The following SOX5 variants were observed in gnomAD, a reference collection of about 807,000 sequenced individuals.
SOX5 encodes transcription factor SOX-5.
SOX5 carries 9 observed loss-of-function variants against 92.0 expected under a neutral mutation model. That is an observed-to-expected ratio of 0.10 (90% CI 0.06 to 0.17). SOX5 has a LOEUF of 0.17. Among genes scored for constraint, SOX5 ranks in the 10% least tolerant of loss-of-function variants. The pLI is 1.00. For missense variants in SOX5, 642 were observed against 944.5 expected, an observed-to-expected ratio of 0.68 and a Z score of 4.20; for synonymous variants, 344 against 336.3, an observed-to-expected ratio of 1.02 and a Z score of -0.25.
At chr12:23,999,178 A>ATG (rs1951355189) in intron 4 of SOX5, among the ~76,000 whole-genome samples, 1 of 148,810 alleles carries the variant, frequency 6.7e-6, no homozygotes, top group African/African-American at 2.5e-5. Flanking sequence ...GTGTGTGTGT[A>ATG]CCATTGCTTC....
At chr12:23,958,148 A>G (rs1279170023) in intron 4 of SOX5, among the ~76,000 whole-genome samples, 1 of 152,072 alleles carries the variant, frequency 6.6e-6, no homozygotes, top group Non-Finnish European at 1.5e-5. Flanking sequence ...AAGGTCATCA[A>G]TACTCTTCGT....
At chr12:23,748,937 T>C (rs772930768) in intron 4 of SOX5, among the ~76,000 whole-genome samples, 2 of 151,926 alleles carry the variant, frequency 1.3e-5, no homozygotes, top group Non-Finnish European at 2.9e-5. Context: ...TACCATTATA[T>C]CTCCAGAGCT....
chr12:24,005,650 G>T (rs1378328544), intron 4 of SOX5, among the ~76,000 whole-genome samples: 1 of 152,042 alleles, frequency 6.6e-6, no homozygotes, highest in East Asian at 1.9e-4. Flanking sequence ...TTTTCCTCAT[G>T]ATATTTCTTT....
chr12:23,624,289 G>T (rs1314137564), intron 8 of SOX5, among the ~76,000 whole-genome samples: 1 of 152,068 alleles, frequency 6.6e-6, no homozygotes, highest in Non-Finnish European at 1.5e-5. Context: ...CAGTGTAAAT[G>T]TATGTAATGC....
At chr12:23,895,125 T>C (rs935229538) in intron 2 of SOX5, among the ~76,000 whole-genome samples, 2 of 151,722 alleles carry the variant, frequency 1.3e-5, no homozygotes, top group Non-Finnish European at 2.9e-5. Context: ...AAAGTCCTGG[T>C]TTCCTAATCT....
chr12:24,135,824 T>C (rs935078201), intron 4 of SOX5, among the ~76,000 whole-genome samples: 1 of 151,988 alleles, frequency 6.6e-6, no homozygotes, highest in East Asian at 1.9e-4. Context: ...AAGATGTGGA[T>C]GTTGGGAAGG....
intron 1 of SOX5, among the ~76,000 whole-genome samples, chr12:23,941,428 T>A (rs1338592473): frequency 2.0e-5 from 3 of 151,532 alleles, no homozygotes; most frequent in Non-Finnish European, 4.4e-5. Flanking sequence ...AATGCTAACA[T>A]TTTTAGAAAT....
chr12:24,167,140 C>T (rs1231137618), intron 4 of SOX5, among the ~76,000 whole-genome samples: 1 of 152,158 alleles, frequency 6.6e-6, no homozygotes. Context: ...TGTAATACGA[C>T]AAGGACCAAA....
chr12:24,017,798 C>T (rs949603726), intron 4 of SOX5, among the ~76,000 whole-genome samples: 3 of 152,054 alleles, frequency 2.0e-5, no homozygotes, highest in South Asian at 2.1e-4. Flanking sequence ...TCCCTATCAC[C>T]GTCACTTTCA....
intron 6 of SOX5, among the ~76,000 whole-genome samples, chr12:23,716,496 C>A (rs1368919278): frequency 6.6e-6 from 1 of 152,132 alleles, no homozygotes; most frequent in Non-Finnish European, 1.5e-5. Flanking sequence ...GAAGTAAATT[C>A]ATAATTCTTT....
chr12:23,682,121 C>T (rs953870301), intron 6 of SOX5, among the ~76,000 whole-genome samples: 2 of 151,692 alleles, frequency 1.3e-5, no homozygotes, highest in Non-Finnish European at 3.0e-5. Flanking sequence ...CCAATAATTA[C>T]AGAATACAAA....
Position 23,665,578 on chromosome 12 carries a change from T to C in SOX5, c.811-14A>G, listed in dbSNP as rs1028491692. 6.3e-7 allele frequency: 1 copy of C among 1,599,564 alleles called. No individual in the cohort carries two copies. The highest frequency in any genetic ancestry group is 8.5e-7 in the Non-Finnish European group (1 of 1,173,956). On this transcript the variant is annotated splice_polypyrimidine_tract_variant and intron_variant, in intron 6 of 14. Transcript: ENST00000451604. The stretch of plus-strand genomic sequence containing the variant: ...CTGACCTTGAACCTGCTGAACGTGA[T>C]AGAGCGAATCAAAGAGAAGAAGTTT...
intron 8 of SOX5, among the ~76,000 whole-genome samples, chr12:23,640,584 A>G (rs1161644748): frequency 6.6e-6 from 1 of 152,226 alleles, no homozygotes; most frequent in Admixed American, 6.5e-5. Context: ...TTTCTTAATA[A>G]TACCGGCAAG....
chr12:24,168,958 C>A (rs1953749246), intron 4 of SOX5, among the ~76,000 whole-genome samples: 1 of 151,840 alleles, frequency 6.6e-6, no homozygotes, highest in Non-Finnish European at 1.5e-5. Flanking sequence ...TTACTACAAC[C>A]CAACTTTCCA....
chr12:23,897,539 T>G (rs1250143098), intron 1 of SOX5, among the ~76,000 whole-genome samples: 1 of 152,160 alleles, frequency 6.6e-6, no homozygotes, highest in Non-Finnish European at 1.5e-5. Context: ...ATTAGTGTAT[T>G]ATTTAACACA....
Position 23,534,452 on chromosome 12 carries a change from G to A in SOX5, c.2059C>T (p.Pro687Ser). 1.2e-6 allele frequency: 2 copies of A among 1,613,976 alleles called. No individual in the cohort carries two copies. The highest frequency in any genetic ancestry group is 1.1e-5 in the South Asian group (1 of 91,078). ...YPGAIAMAGM[P>S]SPHLPSEHSS... is the part of the protein sequence containing the mutation. ...TGCTCCGAGGGCAGGTGAGGGGAGG[G>A]CATCCCAGCCATGGCGATGGCTCCA... is the stretch of plus-strand genomic sequence containing the variant. Residue 687 changes from proline (P) to serine (S), a missense_variant, in exon 15 of 15, where the codon CCC becomes TCC. By Grantham distance (74) the Pro-to-Ser change is moderately conservative. This residue lies in a region of SOX5 where 130 missense variants were observed against 140.6 expected (regional missense o/e 0.92). Coordinates refer to ENST00000451604, the MANE Select transcript of SOX5 (RefSeq NM_006940.6).
At chr12:24,194,203 C>A (rs1423328415) in intron 4 of SOX5, among the ~76,000 whole-genome samples, 1 of 152,124 alleles carries the variant, frequency 6.6e-6, no homozygotes, top group Non-Finnish European at 1.5e-5. Flanking sequence ...CTTGTGGTCA[C>A]CATTCACTAC....
intron 3 of SOX5, among the ~76,000 whole-genome samples, chr12:24,225,612 T>G (rs1961752139): frequency 6.6e-6 from 1 of 152,128 alleles, no homozygotes; most frequent in African/African-American, 2.4e-5. Flanking sequence ...TGGTTACACA[T>G]TAGTAGAAAA....
chr12:23,952,146 A>C (rs575869375), upstream of SOX5, among the ~76,000 whole-genome samples: 126 of 152,260 alleles, frequency 8.3e-4, 1 homozygote, highest in Admixed American at 3.5e-3. Context: ...AATAGAGAAA[A>C]AAAGTGAAGA....
Sources: gnomAD v4.1 joint callset for allele counts (sites outside exome capture counted in the v4.1 genomes callset) on GRCh38, gnomAD v4.1.1 for gene constraint, gnomAD v4.1.1 regional missense constraint, MANE v1.5 for transcripts, NCBI Gene and HGNC (gene_info 2026-07-23, HGNC 2026-07-21) for gene names.